The following CTNND2 variants were observed in gnomAD, a reference collection of about 807,000 sequenced individuals.
The protein encoded by CTNND2 is catenin delta-2.
Under a neutral mutation model 144.4 loss-of-function variants are expected in CTNND2, and 22 were observed. The observed-to-expected ratio is 0.15, with a 90% CI of 0.11 to 0.22. The LOEUF (loss-of-function observed/expected upper bound fraction) is 0.22. Among genes scored for constraint, CTNND2 ranks in the 10% least tolerant of loss-of-function variants. The probability of loss-of-function intolerance (pLI) is 1.00; values close to 1 mark genes in which losing one functional copy is unlikely to be tolerated. For missense variants in CTNND2, 1,353 were observed against 1,618.8 expected, an observed-to-expected ratio of 0.84 and a Z score of 2.82; for synonymous variants, 751 against 695.6, an observed-to-expected ratio of 1.08 and a Z score of -1.25.
chr5:11,454,997 A>C (rs547389860), intron 3 of CTNND2, among the ~76,000 whole-genome samples: 2 of 151,700 alleles, frequency 1.3e-5, no homozygotes, highest in African/African-American at 4.8e-5. Flanking sequence ...GCTGGCAAAT[A>C]ATTTAACTCT....
intron 9 of CTNND2, among the ~76,000 whole-genome samples, chr5:11,279,058 T>C (rs1034418804): frequency 1.3e-5 from 2 of 152,196 alleles, no homozygotes; most frequent in African/African-American, 4.8e-5. Context: ...CTGATGCTTC[T>C]GGGACTGAAA....
chr5:11,827,543 C>A (rs899518699), intron 1 of CTNND2, among the ~76,000 whole-genome samples: 10 of 152,036 alleles, frequency 6.6e-5, no homozygotes, highest in Admixed American at 4.6e-4. Flanking sequence ...CATCAGTAGA[C>A]ACATCAAGCA....
intron 1 of CTNND2, among the ~76,000 whole-genome samples, chr5:11,742,814 T>C (rs757897753): frequency 4.6e-5 from 7 of 152,218 alleles, no homozygotes. Flanking sequence ...AGCATAAACA[T>C]CTTTTTATGC....
chr5:11,155,188 T>C (rs977563314), intron 12 of CTNND2, among the ~76,000 whole-genome samples: 4 of 152,128 alleles, frequency 2.6e-5, no homozygotes, highest in Admixed American at 2.6e-4. Flanking sequence ...AACACATGTT[T>C]TTGGTTGAAG....
At chr5:10,974,155 A>G (rs1297025954) in intron 21 of CTNND2, among the ~76,000 whole-genome samples, 1 of 152,156 alleles carries the variant, frequency 6.6e-6, no homozygotes, top group Non-Finnish European at 1.5e-5. Flanking sequence ...CTGTCTCTAG[A>G]AATCTGCCTA....
At chr5:11,297,715 G>A (rs1749166004) in intron 9 of CTNND2, among the ~76,000 whole-genome samples, 1 of 152,004 alleles carries the variant, frequency 6.6e-6, no homozygotes, top group East Asian at 1.9e-4. Flanking sequence ...AGGTCAGGAG[G>A]CAAAAAAGGT....
intron 12 of CTNND2, among the ~76,000 whole-genome samples, chr5:11,144,892 C>T (rs536494792): frequency 1.3e-5 from 2 of 152,250 alleles, no homozygotes; most frequent in South Asian, 2.1e-4. Flanking sequence ...CTCCCCTTAT[C>T]GTTCCCAACA....
At chr5:11,240,686 T>C (rs1255818195) in intron 9 of CTNND2, among the ~76,000 whole-genome samples, 2 of 106,788 alleles carry the variant, frequency 1.9e-5, no homozygotes, top group Admixed American at 1.0e-4. Flanking sequence ...ACATCCAACA[T>C]GCACACAGAC....
intron 3 of CTNND2, among the ~76,000 whole-genome samples, chr5:11,538,690 G>A (rs114423556): frequency 2.0e-4 from 31 of 152,202 alleles, no homozygotes; most frequent in Admixed American, 5.2e-4. Flanking sequence ...GTTTAATGAC[G>A]AGAATGTGAG....
chr5:11,347,992 C>T (rs1754963592), intron 8 of CTNND2, among the ~76,000 whole-genome samples: 1 of 152,150 alleles, frequency 6.6e-6, no homozygotes, highest in Admixed American at 6.5e-5. Flanking sequence ...TCCCAGTGAA[C>T]TTTCAAGACT....
At chr5:11,488,109 A>C (rs1221714523) in intron 3 of CTNND2, among the ~76,000 whole-genome samples, 1 of 152,244 alleles carries the variant, frequency 6.6e-6, no homozygotes, top group African/African-American at 2.4e-5. Flanking sequence ...ACTGCCTATG[A>C]TCTAAACATC....
intron 16 of CTNND2, among the ~76,000 whole-genome samples, chr5:11,048,191 C>T (rs1439197580): frequency 6.6e-6 from 1 of 152,070 alleles, no homozygotes; most frequent in Non-Finnish European, 1.5e-5. Flanking sequence ...CAAACACTGC[C>T]CTGAATGAAG....
intron 9 of CTNND2, among the ~76,000 whole-genome samples, chr5:11,330,576 T>G (rs112394147): frequency 6.6e-6 from 1 of 151,056 alleles, no homozygotes; most frequent in African/African-American, 2.4e-5. Flanking sequence ...ACCCCAGGAT[T>G]GCAGAAGGGC....
intron 12 of CTNND2, among the ~76,000 whole-genome samples, chr5:11,128,770 T>TTATATA (rs1561349567): frequency 1.2e-4 from 5 of 40,234 alleles, no homozygotes; most frequent in African/African-American, 4.4e-4. Context: ...ATATATATAT[T>TTATATA]ATATATAAAA....
chr5:11,882,416 G>C (rs1736187654), intron 1 of CTNND2, among the ~76,000 whole-genome samples: 1 of 151,814 alleles, frequency 6.6e-6, no homozygotes, highest in African/African-American at 2.4e-5. Context: ...TGAGAGACAG[G>C]GTTCTAGTTT....
At chr5:11,541,850 C>T (rs1324160593) in intron 3 of CTNND2, among the ~76,000 whole-genome samples, 5 of 130,274 alleles carry the variant, frequency 3.8e-5, no homozygotes, top group African/African-American at 8.5e-5. Context: ...CCCCCCCCCC[C>T]GGCCAAAAGC....
chr5:11,010,814 C>T (rs1016404909), intron 18 of CTNND2, among the ~76,000 whole-genome samples: 7 of 152,276 alleles, frequency 4.6e-5, no homozygotes, highest in African/African-American at 1.4e-4. Flanking sequence ...CATGACTCCA[C>T]TCCCATCAAA....
intron 3 of CTNND2, 33 bp from the exon 4 acceptor site, chr5:11,412,102 T>C: frequency 1.9e-6 from 3 of 1,571,560 alleles, no homozygotes; most frequent in South Asian, 1.1e-5. Context: ...ATATAATGCA[T>C]TGATTAGAAA....
intron 3 of CTNND2, among the ~76,000 whole-genome samples, chr5:11,522,529 G>A (rs564146110): frequency 1.3e-3 from 205 of 152,164 alleles, no homozygotes; most frequent in African/African-American, 4.7e-3. Flanking sequence ...CGTTATACCC[G>A]GGCTCTATCT....
Sources: allele counts gnomAD v4.1 joint callset (sites outside exome capture counted in the v4.1 genomes callset), GRCh38; gene constraint gnomAD v4.1.1; transcripts MANE v1.5; gene names NCBI Gene and HGNC (gene_info 2026-07-23, HGNC 2026-07-21).